The following LAMA4 variants were observed in gnomAD, a reference collection of about 807,000 sequenced individuals.
LAMA4 encodes laminin subunit alpha 4.
Under a neutral mutation model 207.1 loss-of-function variants are expected in LAMA4, and 127 were observed. That is an observed-to-expected ratio of 0.61 (90% confidence interval 0.53 to 0.71). The LOEUF (loss-of-function observed/expected upper bound fraction) is 0.71. Among genes scored for constraint, LAMA4 ranks in the 30% least tolerant of loss-of-function variants. The pLI, the probability that LAMA4 is intolerant of heterozygous loss-of-function variation, is 0.00. For synonymous variants in LAMA4, 761 were observed against 816.0 expected (o/e 0.93, Z 1.15); for missense variants, 2,093 against 2,246.5 (o/e 0.93, Z 1.38).
At chr6:112,150,689 T>C (rs1228206196) in intron 16 of LAMA4, 62 bp from the exon 17 acceptor site, 6 of 1,147,894 alleles carry the variant, frequency 5.2e-6, no homozygotes, top group Non-Finnish European at 7.9e-6. Context: ...AGGATTCCAT[T>C]TCAACAAGGA....
At chr6:112,148,066 A>G in intron 18 of LAMA4, 91 bp downstream of exon 18, 1 of 1,321,680 alleles carries the variant, frequency 7.6e-7, no homozygotes, top group Non-Finnish European at 1.1e-6. Flanking sequence ...CCAAAACCCA[A>G]ATGAAGAAAA....
chr6:112,172,353 C>G, intron 12 of LAMA4: 3 of 448,024 alleles, frequency 6.7e-6, no homozygotes, highest in Non-Finnish European at 1.2e-5. Context: ...GCAAGAATAA[C>G]AGACCCATAC....
At chr6:112,184,907 C>T (rs1185966841) in intron 9 of LAMA4, among the ~76,000 whole-genome samples, 1 of 152,062 alleles carries the variant, frequency 6.6e-6, no homozygotes, top group African/African-American at 2.4e-5. Context: ...ATTCTGGATG[C>T]TCTGTAGCTC....
At chr6:112,210,558 G>T (rs1166402829) in intron 3 of LAMA4, among the ~76,000 whole-genome samples, 23 of 152,166 alleles carry the variant, frequency 1.5e-4, no homozygotes, top group Admixed American at 1.5e-3. Flanking sequence ...AGGCTCAAAA[G>T]AATCTGGTTA....
rs782190187 is a variant in LAMA4, at chr6:112,114,735, C to T, written c.5134G>A (p.Gly1712Ser). The T allele has an allele frequency of 6.2e-6, 10 of 1,611,500 alleles. No individual in the cohort carries two copies. The Admixed American group carries it at 1.7e-4, about 27-fold the overall frequency. Residue 1712 changes from glycine (G) to serine (S), a missense_variant, in exon 37 of 39, where the codon GGC (glycine) becomes AGC (serine). Gly to Ser is a moderately conservative substitution (Grantham distance 56). Coordinates refer to ENST00000230538, the MANE Select transcript of LAMA4 (RefSeq NM_001105206.3). ...ACTGAGGTGGAAAAATCTCTGATGC[C>T]ATTATTGACTTTCACTATGACCTGC... ...NGQVIVKVNN[G>S]IRDFSTSVTP...
intron 26 of LAMA4, 94 bp from the exon 27 acceptor site, chr6:112,133,581 T>A: frequency 7.3e-7 from 1 of 1,366,926 alleles, no homozygotes; most frequent in Non-Finnish European, 1.0e-6. Flanking sequence ...TATAGTCATT[T>A]GTAATGGCTT....
At chr6:112,222,005 CT>C (rs1784951476) in intron 2 of LAMA4, among the ~76,000 whole-genome samples, 1 of 152,106 alleles carries the variant, frequency 6.6e-6, no homozygotes, top group Non-Finnish European at 1.5e-5. Flanking sequence ...TGAATTTAAG[CT>C]TTTGCTAACT....
chr6:112,171,265 A>T (rs957392973), intron 12 of LAMA4, among the ~76,000 whole-genome samples: 6 of 151,272 alleles, frequency 4.0e-5, no homozygotes, highest in Non-Finnish European at 8.8e-5. Context: ...CTTATTTTCT[A>T]ACCCGCGAAA....
chr6:112,162,687 A>G (rs1259854075), intron 13 of LAMA4, among the ~76,000 whole-genome samples: 11 of 152,174 alleles, frequency 7.2e-5, no homozygotes, highest in Admixed American at 7.2e-4. Context: ...TTAATACATC[A>G]TAGATGAGAC....
upstream of LAMA4, chr6:112,254,680 G>A (rs1425075815): frequency 5.9e-6 from 1 of 168,746 alleles, no homozygotes; most frequent in Non-Finnish European, 1.3e-5. Context: ...TCCCCTCTCA[G>A]TTTGGAGCCC....
At chr6:112,123,964 G>A (rs1295309430) in intron 31 of LAMA4, among the ~76,000 whole-genome samples, 15 of 152,208 alleles carry the variant, frequency 9.9e-5, no homozygotes, top group South Asian at 2.1e-4. Flanking sequence ...GCTTCAAGCC[G>A]TAGGTGGGCA....
intron 2 of LAMA4, among the ~76,000 whole-genome samples, chr6:112,231,671 C>A (rs949681901): frequency 6.6e-6 from 1 of 152,170 alleles, no homozygotes; most frequent in African/African-American, 2.4e-5. Flanking sequence ...TATACACCAG[C>A]ATGTGTGCAG....
intron 2 of LAMA4, among the ~76,000 whole-genome samples, chr6:112,231,354 A>G (rs75097229): frequency 9.5e-4 from 145 of 152,268 alleles, no homozygotes; most frequent in African/African-American, 3.4e-3. Flanking sequence ...CTGAGTCCAT[A>G]TGGACACCCA....
At chr6:112,217,264 G>A (rs2237248) in intron 2 of LAMA4, among the ~76,000 whole-genome samples, 29,867 of 152,000 alleles carry the variant, frequency 0.2, 3,278 homozygotes, top group African/African-American at 0.27. Context: ...TTATGAGATT[G>A]TTCCTGGTTT....
chr6:112,220,219 T>C (rs533478960), intron 2 of LAMA4, among the ~76,000 whole-genome samples: 1 of 152,160 alleles, frequency 6.6e-6, no homozygotes, highest in Non-Finnish European at 1.5e-5. Context: ...ACTAAGTTAC[T>C]TGTAGATCTT....
Position 112,234,525 on chromosome 6 carries a change from T to C in LAMA4, c.196-18056A>G, listed in dbSNP as rs111852751. The C allele has an allele frequency of 2.8e-3, 430 of 152,066 alleles. 2 individuals carry two copies. The highest frequency in any genetic ancestry group is 9.8e-3 in the African/African-American group (406 of 41,468). The allele number at this position is 152,066 out of a possible 1,614,324, so 9.4% of individuals were successfully genotyped here. On this transcript the variant is annotated intron_variant, in intron 2 of 38. Coordinates refer to ENST00000230538, the MANE Select transcript of LAMA4 (RefSeq NM_001105206.3). ...CTCAAAGGAAATTCATGCTGATTCA[T>C]GACTTTGAGGAGAAAGCGCATTTTC...
At chr6:112,200,188 A>G (rs782282590) in intron 5 of LAMA4, 1 of 532,670 alleles carries the variant, frequency 1.9e-6, no homozygotes, top group African/African-American at 1.9e-5. Flanking sequence ...TTCTTACATG[A>G]GCAAAGCCCA....
At chr6:112,145,818 G>T (rs1440319016) in intron 18 of LAMA4, among the ~76,000 whole-genome samples, 2 of 152,122 alleles carry the variant, frequency 1.3e-5, no homozygotes, top group African/African-American at 2.4e-5. Flanking sequence ...AAAGGGCAGG[G>T]ACCACGGTAT....
chr6:112,158,563 A>G (rs906936985), intron 14 of LAMA4, among the ~76,000 whole-genome samples, 169 bp downstream of exon 14: 9 of 151,870 alleles, frequency 5.9e-5, no homozygotes, highest in Admixed American at 2.0e-4. Context: ...CAACCAACCA[A>G]CCAAGCAACC....
Sources: gnomAD v4.1 joint callset for allele counts (sites outside exome capture counted in the v4.1 genomes callset) on GRCh38, gnomAD v4.1.1 for gene constraint, MANE v1.5 for transcripts, NCBI Gene and HGNC (gene_info 2026-07-23, HGNC 2026-07-21) for gene names.